The following SPATA13 variants were observed in gnomAD, a reference collection of about 807,000 sequenced individuals.
SPATA13 encodes spermatogenesis associated 13.
SPATA13 carries 50 observed loss-of-function variants against 104.0 expected under a neutral mutation model. The ratio of observed to expected loss-of-function variants is 0.48; its 90% CI spans 0.38 to 0.61. The LOEUF (loss-of-function observed/expected upper bound fraction) is 0.61, where lower values mean the gene tolerates loss of function less well. Among genes scored for constraint, SPATA13 ranks in the 20% least tolerant of loss-of-function variants. SPATA13 has a pLI of 0.00. For missense variants in SPATA13, 1,524 were observed against 1,690.6 expected (o/e 0.90, Z 1.73); for synonymous variants, 606 against 667.5 (o/e 0.91, Z 1.42).
chr13:24,071,021 T>G (rs536837451), intron 3 of SPATA13, among the ~76,000 whole-genome samples: 6 of 152,238 alleles, frequency 3.9e-5, no homozygotes, highest in Non-Finnish European at 8.8e-5. Flanking sequence ...TTAATGTCTA[T>G]ATCTGTGTAT....
intron 3 of SPATA13, among the ~76,000 whole-genome samples, chr13:24,143,684 C>T (rs536724135): frequency 5.5e-4 from 83 of 152,218 alleles, no homozygotes; most frequent in African/African-American, 1.9e-3. Context: ...ACAGGGAACC[C>T]GAAACGTCCT....
intron 2 of SPATA13, among the ~76,000 whole-genome samples, chr13:24,247,967 C>G (rs1480020644): frequency 6.6e-6 from 1 of 152,164 alleles, no homozygotes; most frequent in Non-Finnish European, 1.5e-5. Flanking sequence ...TCTGTGAGCT[C>G]CCAGGGACTC....
chr13:24,166,010 C>T (rs1882717027), intron 1 of SPATA13, among the ~76,000 whole-genome samples: 1 of 152,190 alleles, frequency 6.6e-6, no homozygotes, highest in African/African-American at 2.4e-5. Flanking sequence ...TTCCACCCTT[C>T]CTGGGGGGTG....
intron 3 of SPATA13, among the ~76,000 whole-genome samples, chr13:24,141,997 A>C (rs1440742079): frequency 6.6e-6 from 1 of 152,134 alleles, no homozygotes; most frequent in Non-Finnish European, 1.5e-5. Flanking sequence ...AGTAGACTGC[A>C]CAGTCTACTT....
rs147527759 is a variant in SPATA13 at position 24,088,960 on chromosome 13, G to A, written c.-112+71259G>A. Among the ~76,000 whole-genome samples, 144 of 152,272 alleles carry A rather than the reference G, an allele frequency of 9.5e-4. 3 individuals carry two copies. The East Asian group carries it at 0.024, about 25-fold the overall frequency. On this transcript the variant is annotated intron_variant, in intron 3 of 14. Transcript: ENST00000424834. This position sits in a 1 kb window ranked among gnomAD's most constrained non-coding sequence, Gnocchi z 4.3. Reference sequence around the variant, plus strand: ...GATCTGGGTCTGGAGACAGGGATGCGGTCATCGACAGCTCTGGGTTTATGA... The same window carrying A: ...GATCTGGGTCTGGAGACAGGGATGCAGTCATCGACAGCTCTGGGTTTATGA...
chr13:24,098,566 C>T (rs1880152226), intron 3 of SPATA13, among the ~76,000 whole-genome samples: 1 of 147,842 alleles, frequency 6.8e-6, no homozygotes, highest in South Asian at 2.2e-4. Flanking sequence ...CACTGCAGTC[C>T]TGCCTAGGAG....
At chr13:24,220,293 T>C (rs1871502875) in intron 1 of SPATA13, among the ~76,000 whole-genome samples, 1 of 152,104 alleles carries the variant, frequency 6.6e-6, no homozygotes, top group African/African-American at 2.4e-5. Flanking sequence ...TTATAAAAGG[T>C]CTTATAGTGC....
chr13:24,138,192 A>G (rs1881634584), intron 3 of SPATA13, among the ~76,000 whole-genome samples: 1 of 151,912 alleles, frequency 6.6e-6, no homozygotes, highest in Non-Finnish European at 1.5e-5. Flanking sequence ...CTGTAATCCC[A>G]GCTACTCGGG....
intron 3 of SPATA13, among the ~76,000 whole-genome samples, chr13:24,136,484 A>C (rs994661767): frequency 3.3e-5 from 5 of 152,142 alleles, no homozygotes; most frequent in African/African-American, 1.2e-4. Flanking sequence ...CAAAAAAAGA[A>C]AGAGAAGAAA....
At chr13:24,160,391 G>A (rs1222345528), upstream of SPATA13, among the ~76,000 whole-genome samples, 9 of 152,210 alleles carry the variant, frequency 5.9e-5, no homozygotes, top group East Asian at 1.4e-3. Flanking sequence ...GATCACAGGC[G>A]CCTGTCACCA....
intron 3 of SPATA13, among the ~76,000 whole-genome samples, chr13:24,124,986 C>A (rs1242973063): frequency 6.6e-6 from 1 of 152,202 alleles, no homozygotes; most frequent in East Asian, 1.9e-4. Context: ...TTCATAGGGT[C>A]AGAGCGGGTG....
chr13:24,212,629 T>C (rs1347072322), intron 1 of SPATA13, among the ~76,000 whole-genome samples: 1 of 152,144 alleles, frequency 6.6e-6, no homozygotes, highest in Non-Finnish European at 1.5e-5. Flanking sequence ...ACAGGTTTTG[T>C]GGGGAGGAGA....
chr13:24,055,691 G>C (rs1878517007), intron 3 of SPATA13, among the ~76,000 whole-genome samples: 1 of 152,172 alleles, frequency 6.6e-6, no homozygotes, highest in Non-Finnish European at 1.5e-5. Flanking sequence ...GGTGCCTTTG[G>C]CTAAGCCACC....
chr13:24,191,664 C>T (rs1016763760), intron 1 of SPATA13, among the ~76,000 whole-genome samples: 34 of 151,834 alleles, frequency 2.2e-4, no homozygotes, highest in African/African-American at 8.0e-4. Context: ...CGCCCGCCAC[C>T]ACACCCTGCT....
At chr13:24,059,207 G>A (rs535277355) in intron 3 of SPATA13, among the ~76,000 whole-genome samples, 4 of 151,628 alleles carry the variant, frequency 2.6e-5, no homozygotes, top group South Asian at 2.1e-4. Flanking sequence ...TCCTGACCTC[G>A]TAATCCACCC....
At chr13:24,025,873 G>C (rs9511000) in intron 3 of SPATA13, among the ~76,000 whole-genome samples, 81,053 of 150,320 alleles carry the variant, frequency 0.54, 21,933 homozygotes, top group Middle Eastern at 0.57. Context: ...GCAATGGCGC[G>C]ATCTCACTAC....
At chr13:24,297,964 C>G (rs1876912123) in intron 11 of SPATA13, among the ~76,000 whole-genome samples, 1 of 152,186 alleles carries the variant, frequency 6.6e-6, no homozygotes, top group Non-Finnish European at 1.5e-5. Flanking sequence ...TACCTTGTGC[C>G]AGACATTCTG....
intron 2 of SPATA13, among the ~76,000 whole-genome samples, chr13:24,000,902 G>A (rs1172725577): frequency 6.6e-6 from 1 of 151,982 alleles, no homozygotes; most frequent in Non-Finnish European, 1.5e-5. Flanking sequence ...GTGTGAATTC[G>A]GGAGATTCCC....
At chr13:24,013,692 CT>C (rs533534658) in intron 2 of SPATA13, among the ~76,000 whole-genome samples, 2,606 of 142,972 alleles carry the variant, frequency 0.018, 23 homozygotes, top group South Asian at 0.032. Context: ...CCCTTACAGT[CT>C]TTTTTTTTTC....
Sources: gnomAD v4.1 joint callset for allele counts (sites outside exome capture counted in the v4.1 genomes callset) on GRCh38, gnomAD v4.1.1 for gene constraint, Gnocchi (gnomAD v3.1) non-coding constraint, MANE v1.5 for transcripts, NCBI Gene and HGNC (gene_info 2026-07-23, HGNC 2026-07-21) for gene names.